The following FMNL2 variants were observed in gnomAD, a reference collection of about 807,000 sequenced individuals.
The protein encoded by FMNL2 is formin-like protein 2.
In FMNL2, 51 loss-of-function variants were observed where a neutral mutation model predicts 130.2. That is an observed-to-expected ratio of 0.39 (90% CI 0.31 to 0.49). The LOEUF (loss-of-function observed/expected upper bound fraction) is 0.49. FMNL2 is among the 20% of genes least tolerant of loss of function. The probability of loss-of-function intolerance (pLI) is 0.85; values close to 1 mark genes in which losing one functional copy is unlikely to be tolerated. For missense variants in FMNL2, 977 were observed against 1,316.2 expected, an observed-to-expected ratio of 0.74 and a Z score of 3.99; for synonymous variants, 465 against 467.1, an observed-to-expected ratio of 1.00 and a Z score of 0.06.
chr2:152,355,005 A>G (rs1682704879), intron 1 of FMNL2, among the ~76,000 whole-genome samples: 1 of 152,220 alleles, frequency 6.6e-6, no homozygotes, highest in Admixed American at 6.5e-5. Flanking sequence ...AGCTTAGAAT[A>G]GCATGAAAGG....
chr2:152,511,362 T>C (rs946508439), intron 1 of FMNL2, among the ~76,000 whole-genome samples: 1 of 152,192 alleles, frequency 6.6e-6, no homozygotes, highest in Non-Finnish European at 1.5e-5. Flanking sequence ...TAAGGAAAAT[T>C]CACAGGTTCC....
chr2:152,643,855 T>A (rs537311215), intron 25 of FMNL2: 1 of 985,356 alleles, frequency 1.0e-6, no homozygotes, highest in Non-Finnish European at 1.2e-6. Context: ...CCAAGTAGAT[T>A]GCTTATAAGA....
intron 21 of FMNL2, among the ~76,000 whole-genome samples, chr2:152,635,138 C>T (rs533495749): frequency 1.3e-5 from 2 of 152,286 alleles, no homozygotes; most frequent in South Asian, 4.1e-4. Flanking sequence ...TTATAAGGCA[C>T]CCACTTACCA....
At chr2:152,390,550 CA>C (rs1487826673) in intron 1 of FMNL2, 1 of 1,500,170 alleles carries the variant, frequency 6.7e-7, no homozygotes, top group African/African-American at 1.4e-5. Flanking sequence ...CTGCCAATCT[CA>C]GACGAACAGA....
intron 9 of FMNL2, among the ~76,000 whole-genome samples, chr2:152,601,172 G>A (rs959114704): frequency 2.2e-4 from 34 of 151,992 alleles, no homozygotes; most frequent in African/African-American, 7.7e-4. Context: ...CCTTACTTAG[G>A]CTTTCCCTTT....
At chr2:152,622,742 A>G (rs973631918) in intron 15 of FMNL2, among the ~76,000 whole-genome samples, 2 of 151,288 alleles carry the variant, frequency 1.3e-5, no homozygotes, top group Admixed American at 6.6e-5. Flanking sequence ...TTGAACCTAC[A>G]TAAGAGACTA....
intron 9 of FMNL2, among the ~76,000 whole-genome samples, chr2:152,601,342 C>G (rs1429021985): frequency 6.7e-6 from 1 of 149,546 alleles, no homozygotes; most frequent in Non-Finnish European, 1.5e-5. Flanking sequence ...GCTCTGTCAC[C>G]CAGGCTGGAG....
chr2:152,446,442 T>C (rs1006665597), intron 1 of FMNL2, among the ~76,000 whole-genome samples: 2 of 152,164 alleles, frequency 1.3e-5, no homozygotes, highest in African/African-American at 2.4e-5. Flanking sequence ...TTGCAAAATG[T>C]TGATGATTGT....
intron 1 of FMNL2, among the ~76,000 whole-genome samples, chr2:152,439,455 T>C (rs957789070): frequency 1.3e-5 from 2 of 152,166 alleles, no homozygotes; most frequent in African/African-American, 2.4e-5. Context: ...AAGTAATGGA[T>C]ATATGGTAAT....
intron 13 of FMNL2, 95 bp from the exon 14 acceptor site, chr2:152,618,749 GTA>G (rs10617862): frequency 0.082 from 88,024 of 1,070,160 alleles, 4,268 homozygotes; most frequent in African/African-American, 0.18. Context: ...ATTCATATGA[GTA>G]TCTTTTTTTC....
chr2:152,467,222 A>G (rs1397126615), intron 1 of FMNL2, among the ~76,000 whole-genome samples: 1 of 151,358 alleles, frequency 6.6e-6, no homozygotes, highest in Non-Finnish European at 1.5e-5. Flanking sequence ...TTTACCATCT[A>G]CCCCAGCACC....
intron 9 of FMNL2, among the ~76,000 whole-genome samples, chr2:152,590,461 T>TA (rs1370538188): frequency 6.6e-6 from 1 of 151,848 alleles, no homozygotes; most frequent in Non-Finnish European, 1.5e-5. Context: ...CTACTAAAAA[T>TA]ACAAAAAATT....
chr2:152,517,283 A>G (rs1692826745), intron 1 of FMNL2, among the ~76,000 whole-genome samples: 1 of 152,252 alleles, frequency 6.6e-6, no homozygotes, highest in African/African-American at 2.4e-5. Context: ...TAGCTATAAT[A>G]TAAATCCTAA....
At chr2:152,373,069 G>A (rs1683972238) in intron 1 of FMNL2, among the ~76,000 whole-genome samples, 1 of 147,410 alleles carries the variant, frequency 6.8e-6, no homozygotes, top group Non-Finnish European at 1.5e-5. Flanking sequence ...TGTGTAACTT[G>A]GAACTAATCA....
At chr2:152,412,625 A>G (rs187079731) in intron 1 of FMNL2, among the ~76,000 whole-genome samples, 172 of 144,692 alleles carry the variant, frequency 1.2e-3, no homozygotes, top group Non-Finnish European at 2.0e-3. Flanking sequence ...TGGGCAACAT[A>G]GCAAGACCCC....
chr2:152,648,097 A>T lies in FMNL2; in HGVS notation c.*192A>T. On this transcript the variant is annotated 3_prime_UTR_variant, in exon 26 of 26. Coordinates refer to ENST00000288670, the MANE Select transcript of FMNL2 (RefSeq NM_052905.4). Reference sequence around the variant, plus strand: ...TTGTTAACAAGTGCCTAAAAATGGAAGTACCTGTTCAGATTAATCAAAGCA... The same window carrying T: ...TTGTTAACAAGTGCCTAAAAATGGATGTACCTGTTCAGATTAATCAAAGCA... 1.8e-6 allele frequency: 1 copy of T among 570,170 alleles called. No homozygotes were observed. The highest frequency in any genetic ancestry group is 2.3e-5 in the South Asian group (1 of 44,056). The allele number at this position is 570,170 out of a possible 1,614,324, so 35.3% of individuals were successfully genotyped here. A position where few individuals can be genotyped will look rare whatever the true frequency, so the allele number is the denominator to read the frequency against.
At chr2:152,350,529 G>A (rs969251247) in intron 1 of FMNL2, among the ~76,000 whole-genome samples, 1 of 152,192 alleles carries the variant, frequency 6.6e-6, no homozygotes, top group African/African-American at 2.4e-5. Flanking sequence ...TTTGATCAGT[G>A]TGAGCTGTGC....
At chr2:152,341,360 T>C (rs1483514439) in intron 1 of FMNL2, among the ~76,000 whole-genome samples, 1 of 152,216 alleles carries the variant, frequency 6.6e-6, no homozygotes, top group Non-Finnish European at 1.5e-5. Context: ...TTGGGGTATC[T>C]AGGATAGAAG....
chr2:152,619,469 C>A (rs777160664), intron 14 of FMNL2, 40 bp from the exon 15 acceptor site: 2 of 1,549,386 alleles, frequency 1.3e-6, no homozygotes, highest in South Asian at 1.2e-5. Context: ...AAGCCATTCC[C>A]GTATTTTCAA....
Sources: gnomAD v4.1 joint callset for allele counts (sites outside exome capture counted in the v4.1 genomes callset) on GRCh38, gnomAD v4.1.1 for gene constraint, MANE v1.5 for transcripts, NCBI Gene and HGNC (gene_info 2026-07-23, HGNC 2026-07-21) for gene names.